The following LYSMD4 variants were observed in gnomAD, a reference collection of about 807,000 sequenced individuals.
LYSMD4 encodes LysM domain containing 4, also known as lysM and putative peptidoglycan-binding domain-containing protein 4.
A neutral mutation model predicts 6.1 loss-of-function variants in LYSMD4; 9 were observed. The ratio of observed to expected loss-of-function variants is 1.47; its 90% CI spans 0.88 to 2.56. The LOEUF is 2.56. Ranked by LOEUF, LYSMD4 falls within the 30% of genes most tolerant of loss-of-function variation. The probability of loss-of-function intolerance (pLI) is 0.00; values close to 1 mark genes in which losing one functional copy is unlikely to be tolerated. For missense variants in LYSMD4, 384 were observed against 373.5 expected (o/e 1.03, Z -0.23); for synonymous variants, 143 against 148.5 (o/e 0.96, Z 0.27).
chr15:99,733,312 C>T (rs1379174497), intron 1 of LYSMD4, 33 bp downstream of exon 1: 21 of 390,840 alleles, frequency 5.4e-5, no homozygotes, highest in Non-Finnish European at 9.1e-5. Context: ...GCTCCCTAGC[C>T]AGACCGCGGC....
intron 1 of LYSMD4, chr15:99,733,086 C>T: frequency 2.8e-6 from 1 of 355,268 alleles, no homozygotes. Flanking sequence ...AGCGGCCCGG[C>T]CCCAGGGCTC....
intron 2 of LYSMD4, 101 bp downstream of exon 2, chr15:99,731,617 G>A (rs536593241): frequency 3.5e-5 from 53 of 1,522,702 alleles, no homozygotes; most frequent in Non-Finnish European, 4.4e-5. Context: ...TCTCCTGACG[G>A]CCTGGCAGGG....
At position 99,729,078 on chromosome 15, in the gene LYSMD4, C is replaced by G; in HGVS notation, c.*45G>C. ...ATCGCCAGTGACAGCTGAGGCACAT[C>G]AACAGCCAATTGCTAAAGCTGGGCC... On this transcript the variant is annotated 3_prime_UTR_variant, in exon 3 of 3. Coordinates refer to ENST00000684762, the MANE Select transcript of LYSMD4 (RefSeq NM_001284417.2). 1 of 1,601,262 alleles carries G rather than the reference C, an allele frequency of 6.2e-7. No individual in the cohort carries two copies. The highest frequency in any genetic ancestry group is 8.5e-7 in the Non-Finnish European group (1 of 1,171,070).
At chr15:99,731,555 C>T in intron 2 of LYSMD4, 163 bp downstream of exon 2, 2 of 1,532,510 alleles carry the variant, frequency 1.3e-6, no homozygotes, top group Non-Finnish European at 1.7e-6. Context: ...GTACTCCCAC[C>T]TGCATTCCAA....
downstream of LYSMD4, among the ~76,000 whole-genome samples, chr15:99,726,158 T>TTTG (rs2059279658): frequency 1.4e-5 from 2 of 140,206 alleles, no homozygotes; most frequent in Non-Finnish European, 3.1e-5. Context: ...TTTTTTTTTT[T>TTTG]TTTTTTTTTT....
In LYSMD4 at chr15:99,729,533, C is replaced by G; in HGVS notation, c.481G>C (p.Ala161Pro). ...AAGCCCATCAGTTGGCCGGCCTGGGCACCGGTGCCCGCGCCTGCTCTGTCT... is the reference window on the plus strand; with the variant it reads ...AAGCCCATCAGTTGGCCGGCCTGGGGACCGGTGCCCGCGCCTGCTCTGTCT... ...EADRAGAGTG[A>P]QAGQLMGFFK... is the part of the protein sequence containing the mutation. The change falls in exon 3 of 3, where the codon GCC becomes CCC. Residue 161 changes from alanine (A) to proline (P), a missense_variant. Ala to Pro is a conservative substitution (Grantham distance 27). Coordinates refer to ENST00000684762, the MANE Select transcript of LYSMD4 (RefSeq NM_001284417.2). The G allele has an allele frequency of 6.2e-7, 1 of 1,614,162 alleles. No individual in the cohort carries two copies. The highest frequency in any genetic ancestry group is 8.5e-7 in the Non-Finnish European group (1 of 1,180,022).
chr15:99,731,401 A>G, intron 2 of LYSMD4: 1 of 1,612,964 alleles, frequency 6.2e-7, no homozygotes, highest in Non-Finnish European at 8.5e-7. Context: ...CTCCAGCCCC[A>G]TTAGGTCTAA....
upstream of LYSMD4, among the ~76,000 whole-genome samples, chr15:99,720,263 T>G (rs2059228132): frequency 6.6e-6 from 1 of 152,218 alleles, no homozygotes; most frequent in Non-Finnish European, 1.5e-5. Flanking sequence ...CATCTTTTAC[T>G]TTTAGATTGC....
intron 1 of LYSMD4, 52 bp from the exon 2 acceptor site, chr15:99,732,059 A>AC: frequency 1.3e-6 from 2 of 1,487,200 alleles, no homozygotes; most frequent in Non-Finnish European, 9.0e-7. Context: ...TCATCCCTCC[A>AC]CCGCCTCGTT....
chr15:99,730,052 G>C (rs1012991174), intron 2 of LYSMD4, among the ~76,000 whole-genome samples: 8 of 152,208 alleles, frequency 5.3e-5, no homozygotes, highest in Non-Finnish European at 1.0e-4. Flanking sequence ...CGCTTTGGGC[G>C]AAACCACCAT....
At chr15:99,721,784 G>T (rs769356701), upstream of LYSMD4, among the ~76,000 whole-genome samples, 1 of 152,142 alleles carries the variant, frequency 6.6e-6, no homozygotes, top group Non-Finnish European at 1.5e-5. Context: ...TCACTTTAAA[G>T]AATCCAAGAA....
rs964367480 is a variant in LYSMD4, at chr15:99,729,302, C to T, written c.712G>A (p.Val238Ile). 1.2e-6 allele frequency: 2 copies of T among 1,614,130 alleles called. No homozygotes were observed. Among genetic ancestry groups the T allele is most frequent in the Non-Finnish European group, 8.5e-7 (1 of 1,180,018 alleles). ...CCACTAGCTTGTATTTTAAAGTAGA[C>T]CAAATAAAAGACAGGCAAGACAATA... ...IGIVLPVFYL[V>I]YFKIQASGET... Residue 238 changes from valine to isoleucine, a missense_variant, in exon 3 of 3, where the codon GTC becomes ATC. Val to Ile is a conservative substitution (Grantham distance 29). Transcript: ENST00000684762.
chr15:99,725,841 C>A (rs1325102926), downstream of LYSMD4, among the ~76,000 whole-genome samples: 1 of 152,134 alleles, frequency 6.6e-6, no homozygotes, highest in East Asian at 1.9e-4. Flanking sequence ...AAGCAGGTGG[C>A]AGAGCAGAAA....
At chr15:99,721,100 C>CG (rs11400710), upstream of LYSMD4, 79,716 of 152,000 alleles carry the variant, frequency 0.52, 21,499 homozygotes, top group Non-Finnish European at 0.58. Context: ...TGGTTTACCT[C>CG]GGGGTGCTAG....
At position 99,731,927 on chromosome 15, in the gene LYSMD4, C is replaced by T. The variant is rs777272818; in HGVS notation, c.73G>A (p.Val25Ile). Residue 25 changes from valine to isoleucine, a missense_variant, in exon 2 of 3, where the codon GTA (valine) becomes ATA (isoleucine). Transcript: ENST00000684762. ...AVVCGTPTSH[V>I]YMFKNGSGDS... ...CCACTGCCATTCTTAAACATGTATA[C>T]GTGGCTGGTCGGAGTCCCACACACA... The T allele has an allele frequency of 3.1e-5, 50 of 1,612,658 alleles. No homozygotes were observed. Among genetic ancestry groups the T allele is most frequent in the Non-Finnish European group, 4.2e-5 (50 of 1,179,720 alleles).
At chr15:99,720,876 G>C (rs2059232538), upstream of LYSMD4, 1 of 152,162 alleles carries the variant, frequency 6.6e-6, no homozygotes, top group African/African-American at 2.4e-5. Context: ...GTTGCATCCT[G>C]GGTCTCATCA....
In LYSMD4 at chr15:99,729,767, C is replaced by T. The variant is rs189607933; in HGVS notation, c.283-36G>A. 2.8e-4 allele frequency: 439 copies of T among 1,550,336 alleles called. 4 individuals carry two copies. The highest frequency in any genetic ancestry group is 2.6e-3 in the African/African-American group (191 of 72,694). On this transcript the variant is annotated intron_variant, in intron 2 of 2. Coordinates refer to ENST00000684762, the MANE Select transcript of LYSMD4 (RefSeq NM_001284417.2). ...ACGAAGATAAACATCATAAAATATG[C>T]GGAGCTCCTTAAAAATAACTTTCCA...
upstream of LYSMD4, among the ~76,000 whole-genome samples, chr15:99,721,463 CA>C (rs2059237642): frequency 6.6e-6 from 1 of 152,242 alleles, no homozygotes; most frequent in Non-Finnish European, 1.5e-5. Context: ...TGGCACTTGA[CA>C]GGGGGAATGC....
At chr15:99,726,253 C>T (rs1202100338), downstream of LYSMD4, among the ~76,000 whole-genome samples, 3 of 148,980 alleles carry the variant, frequency 2.0e-5, no homozygotes, top group Admixed American at 6.8e-5. Flanking sequence ...AAGCCATTCC[C>T]GTGCCACAGC....
Sources: gnomAD v4.1 joint callset for allele counts (sites outside exome capture counted in the v4.1 genomes callset) on GRCh38, gnomAD v4.1.1 for gene constraint, MANE v1.5 for transcripts, NCBI Gene and HGNC (gene_info 2026-07-23, HGNC 2026-07-21) for gene names.